LSAMP: variants seen among roughly 807,000 people sequenced by gnomAD.
LSAMP encodes limbic system associated membrane protein.
LSAMP carries 7 observed loss-of-function variants against 38.6 expected under a neutral mutation model. That is an observed-to-expected ratio of 0.18 (90% CI 0.10 to 0.34). The LOEUF (loss-of-function observed/expected upper bound fraction) is 0.34. Ranked by LOEUF, LSAMP falls within the 10% of genes least tolerant of loss-of-function variation. The pLI is 1.00. For synonymous variants in LSAMP, 154 were observed against 166.8 expected, an observed-to-expected ratio of 0.92 and a Z score of 0.59; for missense variants, 313 against 420.0, an observed-to-expected ratio of 0.75 and a Z score of 2.23.
chr3:116,051,158 G>C (rs910523292), intron 2 of LSAMP: 1 of 152,198 alleles, frequency 6.6e-6, no homozygotes, highest in Non-Finnish European at 1.5e-5. Flanking sequence ...TTCAGTACCT[G>C]GCACAGCTAA....
At chr3:115,885,861 A>T (rs147269865) in intron 3 of LSAMP, among the ~76,000 whole-genome samples, 1 of 151,956 alleles carries the variant, frequency 6.6e-6, no homozygotes, top group Non-Finnish European at 1.5e-5. Context: ...CCATTGCCCA[A>T]TGATCCCCAA....
intron 1 of LSAMP, among the ~76,000 whole-genome samples, chr3:116,226,844 G>A (rs1482838044): frequency 6.6e-6 from 1 of 152,184 alleles, no homozygotes. Flanking sequence ...TGGGCTCCGT[G>A]AGTTTTCTCT....
chr3:116,216,268 C>T (rs966416380), intron 1 of LSAMP, among the ~76,000 whole-genome samples: 1 of 152,178 alleles, frequency 6.6e-6, no homozygotes, highest in Non-Finnish European at 1.5e-5. Context: ...TCTCCCATGA[C>T]TTCCAGACCC....
At chr3:116,367,840 A>G (rs2048375703) in intron 1 of LSAMP, 1 of 152,016 alleles carries the variant, frequency 6.6e-6, no homozygotes, top group Admixed American at 6.6e-5. Flanking sequence ...AAAAACAAAC[A>G]AACGAACAAA....
chr3:116,336,136 C>A (rs1012860805), intron 1 of LSAMP, among the ~76,000 whole-genome samples: 13 of 151,994 alleles, frequency 8.6e-5, no homozygotes, highest in Middle Eastern at 3.4e-3. Flanking sequence ...ACCCAAATAT[C>A]AGACATAAAA....
Position 116,143,370 on chromosome 3 carries a change from TAGAAA to T in LSAMP, c.156-56819_156-56815del, listed in dbSNP as rs1300272706. 2.6e-5 allele frequency among the ~76,000 whole-genome samples: 4 copies of T among 151,894 alleles called. No homozygotes were observed. In the East Asian group the frequency reaches 7.8e-4, roughly 30 times the overall value. On this transcript the variant is annotated intron_variant, in intron 1 of 6. Coordinates refer to ENST00000490035, the MANE Select transcript of LSAMP (RefSeq NM_002338.5). ...AATTTCTACTAAATGGGCACAAAAA[TAGAAA>T]GAATTAATAAGACCTACTACTTAAT...
At chr3:116,224,104 T>C (rs2107619907) in intron 1 of LSAMP, among the ~76,000 whole-genome samples, 1 of 152,260 alleles carries the variant, frequency 6.6e-6, no homozygotes, top group South Asian at 2.1e-4. Context: ...TAGATTGTGC[T>C]CTCTGCTGCT....
In LSAMP at chr3:115,852,506, T is replaced by C. The variant is rs760725240; in HGVS notation, c.626A>G (p.Lys209Arg). 3 of 1,612,874 alleles carry C rather than the reference T, an allele frequency of 1.9e-6. No homozygotes were observed. Among genetic ancestry groups the C allele is most frequent in the Middle Eastern group, 1.6e-4 (1 of 6,062 alleles). Residue 209 changes from lysine to arginine, a missense_variant, in exon 4 of 7, where the codon AAA becomes AGA. By Grantham distance (26) the Lys-to-Arg change is conservative. Transcript: ENST00000490035. ...ACAGTTCACAGTGACCTTGACTTGTTTGACATCCGCCGAGGAGACCTCGTT... is the reference window on the plus strand; with the variant it reads ...ACAGTTCACAGTGACCTTGACTTGTCTGACATCCGCCGAGGAGACCTCGTT... ...AANEVSSADV[K>R]QVKVTVNYPP...
chr3:116,439,824 G>A (rs1016891510), intron 1 of LSAMP, among the ~76,000 whole-genome samples: 1 of 152,252 alleles, frequency 6.6e-6, no homozygotes, highest in African/African-American at 2.4e-5. Context: ...ACGGGTTCAA[G>A]CGATTCTCCT....
intron 2 of LSAMP, among the ~76,000 whole-genome samples, chr3:116,071,905 C>G (rs1361989590): frequency 6.6e-6 from 1 of 151,242 alleles, no homozygotes; most frequent in African/African-American, 2.4e-5. Flanking sequence ...CAGGTCCATT[C>G]ATATCCCTGC....
intron 1 of LSAMP, among the ~76,000 whole-genome samples, chr3:116,236,078 A>G (rs2046462598): frequency 6.6e-6 from 1 of 152,154 alleles, no homozygotes; most frequent in South Asian, 2.1e-4. Context: ...GACTATAATC[A>G]AATAATGAAT....
intron 1 of LSAMP, among the ~76,000 whole-genome samples, chr3:116,327,341 T>C (rs903234118): frequency 1.3e-5 from 2 of 152,164 alleles, no homozygotes; most frequent in African/African-American, 2.4e-5. Context: ...CACTCTAGCG[T>C]CTTGTTCTGT....
intron 1 of LSAMP, among the ~76,000 whole-genome samples, chr3:116,422,939 T>A (rs1232932283): frequency 6.6e-6 from 1 of 152,216 alleles, no homozygotes; most frequent in East Asian, 1.9e-4. Context: ...GTAACTATCT[T>A]ATTTATGTAT....
chr3:116,033,074 T>C (rs1019113748), intron 2 of LSAMP, among the ~76,000 whole-genome samples: 1 of 152,154 alleles, frequency 6.6e-6, no homozygotes, highest in Non-Finnish European at 1.5e-5. Flanking sequence ...TTTTGAGGTA[T>C]TTTTCTAAAT....
At chr3:115,916,535 G>T (rs1407840585) in intron 3 of LSAMP, among the ~76,000 whole-genome samples, 2 of 152,070 alleles carry the variant, frequency 1.3e-5, no homozygotes, top group Non-Finnish European at 2.9e-5. Context: ...AATCTCCATG[G>T]TGTTTTGTGG....
chr3:115,972,702 T>G (rs1197691254), intron 3 of LSAMP, among the ~76,000 whole-genome samples: 1 of 151,330 alleles, frequency 6.6e-6, no homozygotes, highest in African/African-American at 2.4e-5. Flanking sequence ...TAGATTACTG[T>G]GGAAAGCTAC....
chr3:115,935,426 G>A (rs1422857422), intron 3 of LSAMP, among the ~76,000 whole-genome samples: 1 of 152,182 alleles, frequency 6.6e-6, no homozygotes, highest in Middle Eastern at 3.2e-3. Flanking sequence ...CCACAATCTT[G>A]CCTTTATGGT....
chr3:115,875,328 G>A (rs10511351), intron 3 of LSAMP, among the ~76,000 whole-genome samples: 18,696 of 152,064 alleles, frequency 0.12, 1,562 homozygotes, highest in Non-Finnish European at 0.19. Context: ...TTGCTGTACC[G>A]AAATATTTAA....
chr3:116,412,245 A>G (rs1181225649), intron 1 of LSAMP, among the ~76,000 whole-genome samples: 1 of 152,094 alleles, frequency 6.6e-6, no homozygotes, highest in African/African-American at 2.4e-5. Context: ...ATGGACATGT[A>G]TGAAATGAAC....
Sources: gnomAD v4.1 joint callset for allele counts (sites outside exome capture counted in the v4.1 genomes callset) on GRCh38, gnomAD v4.1.1 for gene constraint, MANE v1.5 for transcripts, NCBI Gene and HGNC (gene_info 2026-07-23, HGNC 2026-07-21) for gene names.